TAB2: variants seen among roughly 807,000 people sequenced by gnomAD.
TAB2 encodes the protein TGF-beta-activated kinase 1 and MAP3K7-binding protein 2.
TAB2 carries 3 observed loss-of-function variants against 65.0 expected under a neutral mutation model. The observed-to-expected ratio is 0.05, with a 90% CI of 0.02 to 0.12. The LOEUF (loss-of-function observed/expected upper bound fraction) is 0.12, where lower values mean the gene tolerates loss of function less well. TAB2 is among the 10% of genes least tolerant of loss of function. The pLI is 1.00. For synonymous variants in TAB2, 298 were observed against 285.1 expected, an observed-to-expected ratio of 1.05 and a Z score of -0.46; for missense variants, 623 against 840.3, an observed-to-expected ratio of 0.74 and a Z score of 3.20.
intron 1 of TAB2, among the ~76,000 whole-genome samples, chr6:149,286,943 C>T (rs1401523209): frequency 6.6e-6 from 1 of 152,016 alleles, no homozygotes; most frequent in Non-Finnish European, 1.5e-5. Context: ...TGGCAAAACC[C>T]CGTTTCTACT....
chr6:149,261,112 G>A (rs993477551), intron 1 of TAB2, among the ~76,000 whole-genome samples: 1 of 152,120 alleles, frequency 6.6e-6, no homozygotes, highest in Non-Finnish European at 1.5e-5. Context: ...GGAAAAGCAA[G>A]GCAAGAAATA....
At chr6:149,298,904 G>A (rs1396419434) in intron 1 of TAB2, among the ~76,000 whole-genome samples, 1 of 152,164 alleles carries the variant, frequency 6.6e-6, no homozygotes, top group Non-Finnish European at 1.5e-5. Flanking sequence ...CAGCTAGAGG[G>A]ATTAATTCCA....
At chr6:149,243,119 A>T (rs1777633324) in intron 1 of TAB2, among the ~76,000 whole-genome samples, 1 of 152,234 alleles carries the variant, frequency 6.6e-6, no homozygotes, top group Admixed American at 6.5e-5. Context: ...ACAGGGGTTC[A>T]TTCCCTTCTC....
Position 149,397,683 on chromosome 6 carries a change from A to T in TAB2, c.1683A>T (p.Leu561Phe). The T allele has an allele frequency of 1.2e-6, 2 of 1,614,126 alleles. No individual in the cohort carries two copies. The highest frequency in any genetic ancestry group is 1.7e-6 in the Non-Finnish European group (2 of 1,180,000). ...TTCAAAAGAAAAAGCTGGATAAATT[A>T]AAATCTGAGGTTAATGAAATGGAAA... ...LEIQKKKLDK[L>F]KSEVNEMENN... The change falls in exon 4 of 7, where the codon TTA becomes TTT. Residue 561 changes from leucine (L) to phenylalanine (F), a missense_variant. By Grantham distance (22) the Leu-to-Phe change is conservative (BLOSUM62 0). Around this residue, in one of 3 missense-constraint regions of TAB2, gnomAD observed 550 missense variants for 665.7 expected, o/e 0.83. Coordinates refer to ENST00000637181, the MANE Select transcript of TAB2 (RefSeq NM_001292034.3).
intron 1 of TAB2, among the ~76,000 whole-genome samples, chr6:149,337,131 T>G (rs972994131): frequency 6.6e-6 from 1 of 152,182 alleles, no homozygotes; most frequent in African/African-American, 2.4e-5. Flanking sequence ...ATTATGGTTT[T>G]TATTAGACTC....
intron 1 of TAB2, among the ~76,000 whole-genome samples, chr6:149,344,375 T>C: frequency 6.6e-6 from 1 of 152,174 alleles, no homozygotes; most frequent in East Asian, 1.9e-4. Flanking sequence ...GTAATAGAGA[T>C]GCATACAACA....
intron 1 of TAB2, among the ~76,000 whole-genome samples, chr6:149,253,966 GAAA>G (rs1777923705): frequency 1.3e-5 from 1 of 76,516 alleles, no homozygotes; most frequent in South Asian, 4.5e-4. Flanking sequence ...GAAAAAGAAA[GAAA>G]GAAAGAAAGA....
chr6:149,384,546 C>A (rs1387723697), intron 3 of TAB2, among the ~76,000 whole-genome samples: 1 of 152,118 alleles, frequency 6.6e-6, no homozygotes, highest in African/African-American at 2.4e-5. Flanking sequence ...GAGAAATTTT[C>A]AGTTTAAAGT....
rs1583140878 is a variant in TAB2, at chr6:149,379,116, A to G, written c.1201A>G (p.Met401Val). The change falls in exon 3 of 7, where the codon ATG becomes GTG. Residue 401 changes from methionine (M) to valine (V), a missense_variant. Physicochemically the swap from Met to Val is conservative, Grantham distance 21. This residue lies in a region of TAB2 where 550 missense variants were observed against 665.7 expected (regional missense o/e 0.83). Coordinates refer to ENST00000637181, the MANE Select transcript of TAB2 (RefSeq NM_001292034.3). ...ANAATGDEQVMRNQPTLFIST... is the reference protein window; with the variant it reads ...ANAATGDEQVVRNQPTLFIST... ...TGCTGCCACAGGAGATGAACAGGTC[A>G]TGCGGAATCAGCCCACACTCTTCAT... is the stretch of plus-strand genomic sequence containing the variant. 2.8e-5 allele frequency: 45 copies of G among 1,614,172 alleles called. No homozygotes were observed. Among genetic ancestry groups the G allele is most frequent in the Non-Finnish European group, 3.8e-5 (45 of 1,180,038 alleles).
chr6:149,397,404 G>A (rs1347469592), intron 3 of TAB2, among the ~76,000 whole-genome samples, 200 bp from the exon 4 acceptor site: 2 of 151,416 alleles, frequency 1.3e-5, no homozygotes, highest in African/African-American at 4.9e-5. Context: ...TCGCACCATT[G>A]CACTCCAGCC....
chr6:149,295,571 A>G (rs1479680525), intron 1 of TAB2, among the ~76,000 whole-genome samples: 1 of 152,030 alleles, frequency 6.6e-6, no homozygotes, highest in Non-Finnish European at 1.5e-5. Flanking sequence ...TTGTTTCTAT[A>G]TGTTGTTTTC....
At chr6:149,241,923 G>T (rs757869294) in intron 1 of TAB2, among the ~76,000 whole-genome samples, 1 of 152,080 alleles carries the variant, frequency 6.6e-6, no homozygotes, top group Non-Finnish European at 1.5e-5. Flanking sequence ...CTGCTGCCCC[G>T]TAAGGCTGCT....
intron 6 of TAB2, among the ~76,000 whole-genome samples, chr6:149,399,425 C>A (rs1782289689): frequency 6.6e-6 from 1 of 152,038 alleles, no homozygotes; most frequent in African/African-American, 2.4e-5. Flanking sequence ...ACTATGTACT[C>A]CCAACCAATA....
intron 6 of TAB2, among the ~76,000 whole-genome samples, chr6:149,406,697 TTTTGTTTG>T (rs369961981): frequency 9.9e-5 from 15 of 152,210 alleles, no homozygotes; most frequent in African/African-American, 3.4e-4. Context: ...TCTACTTCAT[TTTTGTTTG>T]TTTGTTTGTT....
At chr6:149,274,461 G>A (rs959143020) in intron 1 of TAB2, among the ~76,000 whole-genome samples, 4 of 152,194 alleles carry the variant, frequency 2.6e-5, no homozygotes, top group African/African-American at 9.7e-5. Flanking sequence ...TGTCCTCCCT[G>A]TATTTTTCCC....
At chr6:149,345,769 T>A (rs944290772) in intron 1 of TAB2, among the ~76,000 whole-genome samples, 14 of 152,350 alleles carry the variant, frequency 9.2e-5, no homozygotes, top group Admixed American at 2.6e-4. Flanking sequence ...TTTAATATAA[T>A]GCATCTTTTG....
chr6:149,369,995 C>T lies in TAB2; in HGVS notation c.-3C>T, dbSNP rs1781166456. 7 of 1,613,414 alleles carry T rather than the reference C, an allele frequency of 4.3e-6. No individual in the cohort carries two copies. The highest frequency in any genetic ancestry group is 5.9e-6 in the Non-Finnish European group (7 of 1,179,414). On this transcript the variant is annotated 5_prime_UTR_variant, in exon 2 of 7. In the 5' UTR this introduces an upstream ATG that the reference lacks. Coordinates refer to ENST00000637181, the MANE Select transcript of TAB2 (RefSeq NM_001292034.3). ...CAAATAGTCCTGATCAGGCAATATA[C>T]GAATGGCCCAAGGAAGCCACCAAAT...
At chr6:149,310,370 G>C (rs1779147453) in intron 1 of TAB2, among the ~76,000 whole-genome samples, 1 of 151,694 alleles carries the variant, frequency 6.6e-6, no homozygotes, top group Non-Finnish European at 1.5e-5. Flanking sequence ...TAAATGTGGG[G>C]GCAATTTTCA....
intron 1 of TAB2, among the ~76,000 whole-genome samples, chr6:149,343,613 T>C (rs1780200200): frequency 6.6e-6 from 1 of 152,250 alleles, no homozygotes; most frequent in Non-Finnish European, 1.5e-5. Flanking sequence ...TAACTAATAT[T>C]TGCTAATATT....
Sources: gnomAD v4.1 joint callset for allele counts (sites outside exome capture counted in the v4.1 genomes callset) on GRCh38, gnomAD v4.1.1 for gene constraint, gnomAD v4.1.1 regional missense constraint, MANE v1.5 for transcripts, NCBI Gene and HGNC (gene_info 2026-07-23, HGNC 2026-07-21) for gene names.